Variants in MAP9 observed in about 807,000 individuals in gnomAD.
MAP9 encodes microtubule associated protein 9.
A neutral mutation model predicts 75.2 loss-of-function variants in MAP9; 80 were observed. The observed-to-expected ratio is 1.06, with a 90% CI of 0.89 to 1.28. The LOEUF (loss-of-function observed/expected upper bound fraction) is 1.28. MAP9 is among the 50% of genes most tolerant of loss of function. The pLI is 0.00. For synonymous variants in MAP9, 235 were observed against 237.3 expected, an observed-to-expected ratio of 0.99 and a Z score of 0.09; for missense variants, 753 against 719.9, an observed-to-expected ratio of 1.05 and a Z score of -0.53.
intron 4 of MAP9, 188 bp from the exon 5 acceptor site, chr4:155,369,000 A>C: frequency 1.8e-6 from 1 of 569,334 alleles, no homozygotes; most frequent in Non-Finnish European, 3.1e-6. Flanking sequence ...GATGGTTAAT[A>C]ATCAGGCCGG....
At chr4:155,375,744 C>T in intron 2 of MAP9, 32 bp downstream of exon 2, 2 of 1,417,640 alleles carry the variant, frequency 1.4e-6, no homozygotes, top group South Asian at 1.2e-5. Flanking sequence ...AGTGTTTACA[C>T]TGTGAAATGA....
At chr4:155,372,012 G>T (rs1732621456) in intron 4 of MAP9, among the ~76,000 whole-genome samples, 2 of 152,118 alleles carry the variant, frequency 1.3e-5, no homozygotes, top group Admixed American at 1.3e-4. Context: ...CAATTTTGCA[G>T]GAATAGAAAG....
At chr4:155,370,568 T>C (rs981793275) in intron 4 of MAP9, among the ~76,000 whole-genome samples, 1 of 152,158 alleles carries the variant, frequency 6.6e-6, no homozygotes, top group African/African-American at 2.4e-5. Flanking sequence ...CTGCTTCTCC[T>C]CCTGACAAAT....
At chr4:155,372,300 T>C (rs1732636387) in intron 4 of MAP9, among the ~76,000 whole-genome samples, 1 of 152,236 alleles carries the variant, frequency 6.6e-6, no homozygotes, top group Non-Finnish European at 1.5e-5. Flanking sequence ...CTGTATTTAC[T>C]GATGATATGC....
At chr4:155,352,752 T>C in intron 12 of MAP9, 24 bp from the exon 13 acceptor site, 1 of 1,526,164 alleles carries the variant, frequency 6.6e-7, no homozygotes, top group South Asian at 1.2e-5. Context: ...TATAAAACAC[T>C]GGAGAGTTAA....
intron 8 of MAP9, 36 bp downstream of exon 8, chr4:155,357,413 A>G: frequency 8.1e-7 from 1 of 1,238,282 alleles, no homozygotes; most frequent in Non-Finnish European, 1.2e-6. Flanking sequence ...GCTAGAATGC[A>G]AGCCCATAAA....
intron 5 of MAP9, chr4:155,367,195 C>T (rs1732369359): frequency 6.6e-6 from 1 of 152,156 alleles, no homozygotes; most frequent in Non-Finnish European, 1.5e-5. Flanking sequence ...AAGATGAGGA[C>T]ACACTCAATT....
chr4:155,358,588 CA>C (rs1731912386), intron 7 of MAP9, among the ~76,000 whole-genome samples: 2 of 152,002 alleles, frequency 1.3e-5, no homozygotes, highest in Non-Finnish European at 2.9e-5. Context: ...TCAGGAGAAA[CA>C]AAGACTGAAA....
In MAP9 at chr4:155,362,126, T is replaced by A. The variant is rs753286500; in HGVS notation, c.724A>T (p.Ser242Cys). 6.3e-7 allele frequency: 1 copy of A among 1,576,888 alleles called. No homozygotes were observed. The highest frequency in any genetic ancestry group is 8.6e-7 in the Non-Finnish European group (1 of 1,166,282). ...TGTTTAAGTGATGATGATGCTAGAC[T>A]TGTTAAGCATGAATCCTGTTTTCGC... Reference protein sequence around the residue: ...NLDPEDSCLTSLASSSLKQIL... With the variant: ...NLDPEDSCLTCLASSSLKQIL... The change falls in exon 6 of 14, where the codon AGT becomes TGT. Residue 242 changes from serine (S) to cysteine (C), a missense_variant. Coordinates refer to ENST00000311277, the MANE Select transcript of MAP9 (RefSeq NM_001039580.2).
At chr4:155,376,221 A>G (rs1732836032) in intron 1 of MAP9, among the ~76,000 whole-genome samples, 2 of 152,216 alleles carry the variant, frequency 1.3e-5, no homozygotes, top group African/African-American at 2.4e-5. Flanking sequence ...CCTCTCTTCT[A>G]AAGTATAACA....
At position 155,373,154 on chromosome 4, in the gene MAP9, T is replaced by C; in HGVS notation, c.463A>G (p.Ile155Val). 3 of 1,559,558 alleles carry C rather than the reference T, an allele frequency of 1.9e-6. No homozygotes were observed. Among genetic ancestry groups the C allele is most frequent in the Non-Finnish European group, 2.6e-6 (3 of 1,153,560 alleles). Residue 155 changes from isoleucine (I) to valine (V), a missense_variant, in exon 4 of 14, where the codon ATT becomes GTT. Ile to Val is a conservative substitution (Grantham distance 29). Transcript: ENST00000311277. Reference sequence around the variant, plus strand: ...AAATTACCTGAAGATGTGCTTTTAATTGAAAGAATTCTGGGTTTAGGTTTC... The same window carrying C: ...AAATTACCTGAAGATGTGCTTTTAACTGAAAGAATTCTGGGTTTAGGTTTC... ...KMKPKPRILS[I>V]KSTSSAENNS...
In MAP9 at chr4:155,375,881, T is replaced by C. The variant is rs575070761; in HGVS notation, c.-31A>G. On this transcript the variant is annotated 5_prime_UTR_variant, in exon 2 of 14. Coordinates refer to ENST00000311277, the MANE Select transcript of MAP9 (RefSeq NM_001039580.2). ...ATTTTTTCTCGTTACCTTTATAAAA[T>C]AGCTAATTATTAGAATTCAACTTCT... is the stretch of plus-strand genomic sequence containing the variant. 1.1e-5 allele frequency: 16 copies of C among 1,432,466 alleles called. No homozygotes were observed. The East Asian group carries it at 2.1e-4, about 18-fold the overall frequency. The allele number at this position is 1,432,466 out of a possible 1,614,324, so 88.7% of individuals were successfully genotyped here.
At chr4:155,362,371 C>T in intron 5 of MAP9, 1 of 367,254 alleles carries the variant, frequency 2.7e-6, no homozygotes. Flanking sequence ...AAGAGTTATT[C>T]AAGTTCTTTA....
intron 5 of MAP9, among the ~76,000 whole-genome samples, chr4:155,364,814 T>C (rs1732251669): frequency 6.6e-6 from 1 of 151,350 alleles, no homozygotes; most frequent in Admixed American, 6.6e-5. Flanking sequence ...TCTAAATAGA[T>C]TGTGATAATT....
At chr4:155,354,585 T>G (rs528012546) in intron 10 of MAP9, among the ~76,000 whole-genome samples, 8 of 149,388 alleles carry the variant, frequency 5.4e-5, no homozygotes, top group African/African-American at 2.0e-4. Context: ...CACCTCAGCC[T>G]CCTGAGTAGC....
At chr4:155,357,203 G>T in intron 8 of MAP9, 1 of 430,258 alleles carries the variant, frequency 2.3e-6, no homozygotes, top group Non-Finnish European at 4.2e-6. Flanking sequence ...GAGAGCAAAG[G>T]TATTGCATAA....
At chr4:155,355,950 A>C in intron 8 of MAP9, 66 bp from the exon 9 acceptor site, 1 of 1,383,992 alleles carries the variant, frequency 7.2e-7, no homozygotes, top group Non-Finnish European at 1.0e-6. Context: ...GAGATCTGTT[A>C]GAATATGCAC....
intron 8 of MAP9, among the ~76,000 whole-genome samples, chr4:155,356,497 C>T (rs373350187): frequency 3.9e-5 from 6 of 152,120 alleles, no homozygotes; most frequent in African/African-American, 1.4e-4. Flanking sequence ...GAAATATGGA[C>T]CACTTCTCAA....
Position 155,352,619 on chromosome 4 carries a change from T to C in MAP9, c.1798A>G (p.Ile600Val). 1 of 1,557,040 alleles carries C rather than the reference T, an allele frequency of 6.4e-7. No individual in the cohort carries two copies. The highest frequency in any genetic ancestry group is 1.4e-5 in the African/African-American group (1 of 72,406). The stretch of plus-strand genomic sequence containing the variant: ...ACCAGCCATTTTTCATATTCATTAA[T>C]AGCTTGTTTATCTTTATCTTTTTTC... ...AEKKDKDKQAINEYEKWLENK... is the reference protein window; with the variant it reads ...AEKKDKDKQAVNEYEKWLENK... The change falls in exon 13 of 14, where the codon ATT (isoleucine) becomes GTT (valine). Residue 600 changes from isoleucine (I) to valine (V), a missense_variant. Coordinates refer to ENST00000311277, the MANE Select transcript of MAP9 (RefSeq NM_001039580.2).
Sources: allele counts gnomAD v4.1 joint callset (sites outside exome capture counted in the v4.1 genomes callset), GRCh38; gene constraint gnomAD v4.1.1; transcripts MANE v1.5; gene names NCBI Gene and HGNC (gene_info 2026-07-23, HGNC 2026-07-21).